Variants in NMUR1 observed in about 807,000 individuals in gnomAD.
NMUR1 encodes the protein neuromedin U receptor 1.
In NMUR1, 16 loss-of-function variants were observed where a neutral mutation model predicts 18.8. That is an observed-to-expected ratio of 0.85 (90% CI 0.58 to 1.29). NMUR1 has a LOEUF of 1.29. Among genes scored for constraint, NMUR1 ranks in the 50% most tolerant of loss-of-function variants. NMUR1 has a pLI of 0.00. For synonymous variants in NMUR1, 258 were observed against 258.2 expected (o/e 1.00, Z 0.01); for missense variants, 529 against 580.3 (o/e 0.91, Z 0.91).
chr2:231,528,406 C>A lies in NMUR1; in HGVS notation c.615G>T (p.Leu205=), dbSNP rs1293575956. The change falls in exon 2 of 3, where the codon CTG becomes CTT. Residue 205 remains leucine, a synonymous_variant. Transcript: ENST00000305141. ...GCACTGGGCCCCGGCAGGGCACGTGCAGCTGCCGGATGCCGTGCAGGCTGG... is the reference window on the plus strand; with the variant it reads ...GCACTGGGCCCCGGCAGGGCACGTGAAGCTGCCGGATGCCGTGCAGGCTGG... ...PNTSLHGIRQ[L]HVPCRGPVPD... is the part of the protein sequence containing the mutation. The A allele has an allele frequency of 1.2e-6, 2 of 1,613,608 alleles. No homozygotes were observed. Among genetic ancestry groups the A allele is most frequent in the Admixed American group, 3.3e-5 (2 of 59,986 alleles).
chr2:231,523,988 T>C lies in NMUR1; in HGVS notation c.*1055A>G, dbSNP rs1339544156. On this transcript the variant is annotated 3_prime_UTR_variant, in exon 3 of 3. Coordinates refer to ENST00000305141, the MANE Select transcript of NMUR1 (RefSeq NM_006056.5). ...ATGTGAGGACGGAGGTGGGCTGTGG[T>C]GGTGGGGTCTGCTTGCATGCTGGCT... is the stretch of plus-strand genomic sequence containing the variant. 1 of 152,298 alleles carries C rather than the reference T, an allele frequency of 6.6e-6. No homozygotes were observed. The highest frequency in any genetic ancestry group is 1.5e-5 in the Non-Finnish European group (1 of 68,130). The allele number at this position is 152,298 out of a possible 1,614,324, so 9.4% of individuals were successfully genotyped here.
At chr2:231,527,070 A>T (rs1038154205) in intron 2 of NMUR1, among the ~76,000 whole-genome samples, 1 of 152,030 alleles carries the variant, frequency 6.6e-6, no homozygotes, top group Non-Finnish European at 1.5e-5. Context: ...CATGGGGGAA[A>T]TTCAGCACCT....
downstream of NMUR1, among the ~76,000 whole-genome samples, chr2:231,521,481 G>A (rs948668849): frequency 6.6e-6 from 1 of 152,210 alleles, no homozygotes; most frequent in Admixed American, 6.5e-5. Flanking sequence ...TGGAGGCACA[G>A]GGAGTGAGGA....
downstream of NMUR1, chr2:231,523,124 G>A (rs2047321037): frequency 1.2e-5 from 4 of 332,096 alleles, no homozygotes; most frequent in South Asian, 6.1e-4. Flanking sequence ...TATGTGTATT[G>A]TGTATATAAA....
At position 231,528,663 on chromosome 2, in the gene NMUR1, CAT is replaced by C. The variant is rs1553537580; in HGVS notation, c.356_357del (p.Tyr119Ter). ...VLLVGLPLEL[Y>X]EMWHNYPFLL... is the part of the protein sequence containing the mutation. ...AGGAAGGGGTAGTTGTGCCACATCT[CAT>C]AGAGCTCCAGGGGCAGGCCCACCAG... On this transcript the variant is annotated frameshift_variant, in exon 2 of 3. Transcript: ENST00000305141. LOFTEE classifies it high-confidence loss of function. The C allele has an allele frequency of 6.2e-7, 1 of 1,614,128 alleles. No individual in the cohort carries two copies. The highest frequency in any genetic ancestry group is 8.5e-7 in the Non-Finnish European group (1 of 1,180,052).
In NMUR1 at chr2:231,523,525, T is replaced by C; in HGVS notation, c.*1518A>G. ...CATGAGCATTTATTATTTTTATAAT[T>C]GAATTTTTAAAACTAAACATCTGCA... On this transcript the variant is annotated 3_prime_UTR_variant, in exon 3 of 3. Coordinates refer to ENST00000305141, the MANE Select transcript of NMUR1 (RefSeq NM_006056.5). 3.9e-6 allele frequency: 1 copy of C among 259,602 alleles called. No homozygotes were observed. The highest frequency in any genetic ancestry group is 6.8e-5 in the East Asian group (1 of 14,664). 16.1% of individuals were successfully genotyped at this position (259,602 alleles called of 1,614,324 possible). A position where few individuals can be genotyped will look rare whatever the true frequency, so the allele number is the denominator to read the frequency against.
downstream of NMUR1, among the ~76,000 whole-genome samples, chr2:231,521,983 T>C (rs1180403776): frequency 3.5e-5 from 5 of 144,922 alleles, no homozygotes; most frequent in African/African-American, 1.3e-4. Flanking sequence ...CTTTTTTTTT[T>C]TTTTTTTTTT....
chr2:231,530,141 C>A (rs756904897), intron 1 of NMUR1, among the ~76,000 whole-genome samples: 3 of 152,174 alleles, frequency 2.0e-5, no homozygotes, highest in Non-Finnish European at 4.4e-5. Flanking sequence ...TCAAGGGAGG[C>A]GCCCTGGTCC....
rs771006377 is a variant in NMUR1 at position 231,525,402 on chromosome 2, T to C, written c.922A>G (p.Ile308Val). Residue 308 changes from isoleucine (I) to valine (V), a missense_variant, in exon 3 of 3, where the codon ATC becomes GTC. By Grantham distance (29) the Ile-to-Val change is conservative (BLOSUM62 3). Transcript: ENST00000305141. ...MLFVLVVVFG[I>V]CWAPFHADRV... ...TCGGCGTGGAACGGGGCCCAGCAGA[T>C]GCCAAACACCACGACCAGGACAACT... is the stretch of plus-strand genomic sequence containing the variant. The C allele has an allele frequency of 6.2e-7, 1 of 1,612,452 alleles. No homozygotes were observed. Among genetic ancestry groups the C allele is most frequent in the Non-Finnish European group, 8.5e-7 (1 of 1,179,036 alleles).
chr2:231,525,037 C>T lies in NMUR1; in HGVS notation c.*6G>A. The stretch of plus-strand genomic sequence containing the variant: ...CCCTCCAGGTGAAGCCACTTTAAGG[C>T]TCCACTCAGGATGGATCGGTCTCTT... On this transcript the variant is annotated 3_prime_UTR_variant, in exon 3 of 3. Coordinates refer to ENST00000305141, the MANE Select transcript of NMUR1 (RefSeq NM_006056.5). 6.5e-7 allele frequency: 1 copy of T among 1,541,298 alleles called. No homozygotes were observed. Among genetic ancestry groups the T allele is most frequent in the Non-Finnish European group, 8.7e-7 (1 of 1,146,318 alleles).
chr2:231,528,889 G>C lies in NMUR1; in HGVS notation c.132C>G (p.Asp44Glu), dbSNP rs113850251. 2 of 1,614,176 alleles carry C rather than the reference G, an allele frequency of 1.2e-6. No individual in the cohort carries two copies. The highest frequency in any genetic ancestry group is 8.5e-7 in the Non-Finnish European group (1 of 1,180,036). ...CCAGGTACTTGAGTCTCAGTGCCTC[G>C]TCAGTCAGGTTCAAGTCCTCAGGGT... ...HFDPEDLNLTDEALRLKYLGP... is the reference protein window; with the variant it reads ...HFDPEDLNLTEEALRLKYLGP... The change falls in exon 2 of 3, where the codon GAC becomes GAG. Residue 44 changes from aspartate to glutamate, a missense_variant. Physicochemically the swap from Asp to Glu is conservative, Grantham distance 45 (BLOSUM62 2). Coordinates refer to ENST00000305141, the MANE Select transcript of NMUR1 (RefSeq NM_006056.5).
chr2:231,529,842 G>C (rs2047397633), intron 1 of NMUR1, among the ~76,000 whole-genome samples: 1 of 152,256 alleles, frequency 6.6e-6, no homozygotes, highest in Admixed American at 6.5e-5. Flanking sequence ...ATACGGAAGG[G>C]CACGGGGATC....
chr2:231,518,751 G>A (rs1195853231), downstream of NMUR1, among the ~76,000 whole-genome samples: 1 of 152,204 alleles, frequency 6.6e-6, no homozygotes. Flanking sequence ...TTCCAGGAAG[G>A]GTGGCCAGGG....
chr2:231,528,062 A>C, intron 2 of NMUR1, 61 bp downstream of exon 2: 1 of 1,491,988 alleles, frequency 6.7e-7, no homozygotes, highest in Non-Finnish European at 8.9e-7. Context: ...CCCAGGCCCC[A>C]GGAGCCCCAA....
chr2:231,520,546 A>G (rs773819588), downstream of NMUR1, among the ~76,000 whole-genome samples: 11 of 152,212 alleles, frequency 7.2e-5, no homozygotes, highest in African/African-American at 1.9e-4. Flanking sequence ...ATTCCCCCCA[A>G]TAAGAAAGGA....
At chr2:231,526,242 T>C (rs2125664772) in intron 2 of NMUR1, among the ~76,000 whole-genome samples, 1 of 152,360 alleles carries the variant, frequency 6.6e-6, no homozygotes, top group East Asian at 1.9e-4. Flanking sequence ...TTCTTGGGTT[T>C]GCTGCTGCAA....
At chr2:231,527,344 C>T (rs2047366422) in intron 2 of NMUR1, among the ~76,000 whole-genome samples, 1 of 152,300 alleles carries the variant, frequency 6.6e-6, no homozygotes, top group South Asian at 2.1e-4. Flanking sequence ...GGCCAAGACA[C>T]GTTAATAACC....
intron 2 of NMUR1, among the ~76,000 whole-genome samples, chr2:231,526,491 C>T (rs1444602023): frequency 6.6e-6 from 1 of 152,212 alleles, no homozygotes; most frequent in South Asian, 2.1e-4. Flanking sequence ...CTCTGCCCAC[C>T]CATGTTTTCA....
In NMUR1 at chr2:231,525,009, G is replaced by T. The variant is rs1322726934; in HGVS notation, c.*34C>A. 1 of 1,518,778 alleles carries T rather than the reference G, an allele frequency of 6.6e-7. No individual in the cohort carries two copies. Among genetic ancestry groups the T allele is most frequent in the South Asian group, 1.3e-5 (1 of 76,934 alleles). 94.1% of individuals were successfully genotyped at this position (1,518,778 alleles called of 1,614,324 possible). On this transcript the variant is annotated 3_prime_UTR_variant, in exon 3 of 3. Coordinates refer to ENST00000305141, the MANE Select transcript of NMUR1 (RefSeq NM_006056.5). Reference sequence around the variant, plus strand: ...TCTCCCCAGCTCCAGGTGACCCTCTGGCCCCTCCAGGTGAAGCCACTTTAA... The same window carrying T: ...TCTCCCCAGCTCCAGGTGACCCTCTTGCCCCTCCAGGTGAAGCCACTTTAA...
Sources: gnomAD v4.1 joint callset for allele counts (sites outside exome capture counted in the v4.1 genomes callset) on GRCh38, gnomAD v4.1.1 for gene constraint, MANE v1.5 for transcripts, NCBI Gene and HGNC (gene_info 2026-07-23, HGNC 2026-07-21) for gene names.